GNG7: variants seen among roughly 807,000 people sequenced by gnomAD.
GNG7 encodes G protein subunit gamma 7, also known as guanine nucleotide-binding protein G(I)/G(S)/G(O) subunit gamma-7.
A neutral mutation model predicts 4.0 loss-of-function variants in GNG7; 1 was observed. The ratio of observed to expected loss-of-function variants is 0.25; its 90% confidence interval spans 0.09 to 1.18. The LOEUF (loss-of-function observed/expected upper bound fraction) is 1.18, where lower values mean the gene tolerates loss of function less well. Ranked by LOEUF, GNG7 falls within the 50% of genes most tolerant of loss-of-function variation. GNG7 has a pLI of 0.50. For synonymous variants in GNG7, 34 were observed against 36.9 expected, an observed-to-expected ratio of 0.92 and a Z score of 0.29; for missense variants, 86 against 91.9, an observed-to-expected ratio of 0.94 and a Z score of 0.26.
intron 2 of GNG7, among the ~76,000 whole-genome samples, chr19:2,571,104 G>C (rs914875423): frequency 8.1e-5 from 12 of 148,192 alleles, no homozygotes; most frequent in African/African-American, 2.7e-4. Flanking sequence ...GCCCGGCGGA[G>C]TTGTCCAGCT....
Position 2,655,326 on chromosome 19 carries a change from T to G in GNG7, c.-134-9046A>C, listed in dbSNP as rs115099154. On this transcript the variant is annotated intron_variant, in intron 1 of 4. Transcript: ENST00000382159. ...AGCCAACAGGATTATGAAAAAACGC[T>G]GAAGATCATTAATCAGCCAGGAAAT... 4.6e-3 allele frequency among the ~76,000 whole-genome samples: 701 copies of G among 152,042 alleles called. 4 individuals carry two copies. The highest frequency in any genetic ancestry group is 0.016 in the African/African-American group (652 of 41,450).
intron 3 of GNG7, among the ~76,000 whole-genome samples, chr19:2,523,267 C>T (rs1978319462): frequency 2.0e-5 from 3 of 151,728 alleles, no homozygotes; most frequent in Admixed American, 1.3e-4. Context: ...AAAAGGGCAA[C>T]ACAGCCAGGC....
chr19:2,538,076 CAAA>C (rs1978804855), intron 3 of GNG7: 4 of 433,410 alleles, frequency 9.2e-6, no homozygotes, highest in Admixed American at 5.0e-5. Context: ...GACTCTCTCT[CAAA>C]CAAAACAAAA....
chr19:2,550,589 A>AGGGAGAG, intron 3 of GNG7, among the ~76,000 whole-genome samples: 1 of 152,238 alleles, frequency 6.6e-6, no homozygotes, highest in Non-Finnish European at 1.5e-5. Context: ...GAGAGTGACC[A>AGGGAGAG]TGGCCCTGCT....
chr19:2,573,278 C>A (rs1183765463), intron 2 of GNG7, among the ~76,000 whole-genome samples: 1 of 151,914 alleles, frequency 6.6e-6, no homozygotes, highest in African/African-American at 2.4e-5. Context: ...CCGCCTCAGC[C>A]TCCCAAAGTG....
intron 1 of GNG7, among the ~76,000 whole-genome samples, chr19:2,697,388 C>T (rs1054510534): frequency 2.6e-5 from 4 of 152,018 alleles, no homozygotes; most frequent in African/African-American, 7.3e-5. Context: ...CCACTCACGC[C>T]GCAGGATGGG....
chr19:2,674,376 G>A (rs564024964), intron 1 of GNG7, among the ~76,000 whole-genome samples: 9 of 152,262 alleles, frequency 5.9e-5, no homozygotes, highest in East Asian at 1.9e-4. Flanking sequence ...AATCAGAATC[G>A]TCACACTGCT....
chr19:2,537,194 C>T (rs1230780048), intron 3 of GNG7, among the ~76,000 whole-genome samples: 1 of 152,026 alleles, frequency 6.6e-6, no homozygotes, highest in Non-Finnish European at 1.5e-5. Flanking sequence ...CGTGATCCGC[C>T]CGCCTCGGCC....
At chr19:2,652,316 A>G (rs1982851783) in intron 1 of GNG7, among the ~76,000 whole-genome samples, 1 of 151,764 alleles carries the variant, frequency 6.6e-6, no homozygotes, top group South Asian at 2.1e-4. Flanking sequence ...CAAAAACAAA[A>G]CAAGCAAAGA....
At chr19:2,593,552 C>A (rs1283620391) in intron 2 of GNG7, among the ~76,000 whole-genome samples, 1 of 151,584 alleles carries the variant, frequency 6.6e-6, no homozygotes, top group Non-Finnish European at 1.5e-5. Flanking sequence ...GAGACCAGCC[C>A]GGGCAACAAG....
At chr19:2,655,787 C>T (rs546864705) in intron 1 of GNG7, among the ~76,000 whole-genome samples, 10 of 142,066 alleles carry the variant, frequency 7.0e-5, no homozygotes, top group African/African-American at 2.4e-4. Flanking sequence ...TGCAGTGAGT[C>T]GAGATCGCGC....
intron 2 of GNG7, among the ~76,000 whole-genome samples, chr19:2,638,428 G>A (rs1468909708): frequency 5.3e-5 from 4 of 75,586 alleles, no homozygotes; most frequent in Non-Finnish European, 1.1e-4. Flanking sequence ...GGAAGGGGAA[G>A]GAGGGGAAGG....
At chr19:2,630,363 AAAG>A (rs1272373350) in intron 2 of GNG7, among the ~76,000 whole-genome samples, 1 of 152,142 alleles carries the variant, frequency 6.6e-6, no homozygotes, top group African/African-American at 2.4e-5. Flanking sequence ...GCTTTTCAGG[AAAG>A]AAGGGATTTT....
At chr19:2,543,332 C>T (rs894959096) in intron 3 of GNG7, among the ~76,000 whole-genome samples, 7 of 151,964 alleles carry the variant, frequency 4.6e-5, no homozygotes, top group African/African-American at 1.5e-4. Flanking sequence ...GAGATCCTCC[C>T]ACCTCAGCCT....
intron 1 of GNG7, among the ~76,000 whole-genome samples, chr19:2,671,598 G>A (rs1049696841): frequency 1.3e-5 from 2 of 151,996 alleles, no homozygotes; most frequent in East Asian, 1.9e-4. Flanking sequence ...GCCCTGAGGC[G>A]GGAAGGTGAC....
At chr19:2,565,796 G>A (rs4807297) in intron 2 of GNG7, among the ~76,000 whole-genome samples, 1,625 of 152,304 alleles carry the variant, frequency 0.011, 81 homozygotes, top group Admixed American at 0.072. Flanking sequence ...TACAGGAAGC[G>A]TCTGCAGAGT....
intron 1 of GNG7, among the ~76,000 whole-genome samples, chr19:2,648,898 G>GT (rs923797304): frequency 6.0e-5 from 9 of 148,862 alleles, no homozygotes; most frequent in East Asian, 5.9e-4. Flanking sequence ...TTTGTTTTTT[G>GT]TTTTTTTTGA....
chr19:2,537,072 G>A (rs1193371069), intron 3 of GNG7, among the ~76,000 whole-genome samples: 21 of 150,720 alleles, frequency 1.4e-4, no homozygotes, highest in African/African-American at 4.1e-4. Flanking sequence ...TCAGCCTCCC[G>A]AGTAGCTGGG....
chr19:2,684,910 G>C (rs1229841125), intron 1 of GNG7, among the ~76,000 whole-genome samples: 1 of 152,138 alleles, frequency 6.6e-6, no homozygotes, highest in South Asian at 2.1e-4. Context: ...GATCACCTGA[G>C]GTCAGGAGTT....
Sources: allele counts gnomAD v4.1 joint callset (sites outside exome capture counted in the v4.1 genomes callset), GRCh38; gene constraint gnomAD v4.1.1; transcripts MANE v1.5; gene names NCBI Gene and HGNC (gene_info 2026-07-23, HGNC 2026-07-21).